The following CAPN8 variants were observed in gnomAD, a reference collection of about 807,000 sequenced individuals.
The protein encoded by CAPN8 is calpain 8.
A neutral mutation model predicts 80.9 loss-of-function variants in CAPN8; 87 were observed. That is an observed-to-expected ratio of 1.07 (90% CI 0.90 to 1.28). The LOEUF is 1.28. Among genes scored for constraint, CAPN8 ranks in the 50% most tolerant of loss-of-function variants. The pLI is 0.00. For missense variants in CAPN8, 757 were observed against 702.0 expected (o/e 1.08, Z -0.89); for synonymous variants, 299 against 273.8 (o/e 1.09, Z -0.91).
At chr1:223,637,061 A>C (rs1206518123) in intron 2 of CAPN8, among the ~76,000 whole-genome samples, 1 of 152,114 alleles carries the variant, frequency 6.6e-6, no homozygotes, top group Non-Finnish European at 1.5e-5. Context: ...ACCTTCTGAC[A>C]CTCACCTCTC....
At chr1:223,633,671 AAAAAT>A (rs1346032157) in intron 2 of CAPN8, among the ~76,000 whole-genome samples, 1 of 152,194 alleles carries the variant, frequency 6.6e-6, no homozygotes, top group East Asian at 1.9e-4. Context: ...CAAAAAGAAA[AAAAAT>A]AAAATAAAAT....
chr1:223,542,043 A>C (rs1019665021), intron 20 of CAPN8, among the ~76,000 whole-genome samples, 184 bp from the exon 21 acceptor site: 2 of 152,144 alleles, frequency 1.3e-5, no homozygotes, highest in African/African-American at 4.8e-5. Context: ...CCAGGGTACT[A>C]CAGAAATGTG....
At chr1:223,550,386 G>A (rs1157643583) in intron 15 of CAPN8, among the ~76,000 whole-genome samples, 1 of 152,116 alleles carries the variant, frequency 6.6e-6, no homozygotes, top group African/African-American at 2.4e-5. Flanking sequence ...GACTTAACCT[G>A]GCCCATCCCT....
At chr1:223,662,259 C>T (rs1383879245) in intron 1 of CAPN8, among the ~76,000 whole-genome samples, 1 of 152,070 alleles carries the variant, frequency 6.6e-6, no homozygotes, top group African/African-American at 2.4e-5. Flanking sequence ...ACCATCCTGG[C>T]CAACATGGCA....
At chr1:223,621,856 G>A (rs116076782) in intron 7 of CAPN8, among the ~76,000 whole-genome samples, 73 of 152,140 alleles carry the variant, frequency 4.8e-4, no homozygotes, top group African/African-American at 1.6e-3. Flanking sequence ...CATGAGACTG[G>A]CTAATTATTT....
At chr1:223,615,124 T>C (rs1217793040) in intron 10 of CAPN8, among the ~76,000 whole-genome samples, 3 of 152,230 alleles carry the variant, frequency 2.0e-5, no homozygotes, top group Admixed American at 1.3e-4. Flanking sequence ...TGGTTTCTTA[T>C]TACAATATTT....
rs201599470 is a variant in CAPN8 at position 223,550,980 on chromosome 1, A to T, written c.1679T>A (p.Leu560Ter). 55 of 718,376 alleles carry T rather than the reference A, an allele frequency of 7.7e-5. No individual in the cohort carries two copies. The East Asian group carries it at 1.4e-3, about 19-fold the overall frequency. The allele number at this position is 718,376 out of a possible 1,614,324, so 44.5% of individuals were successfully genotyped here. Reference protein sequence around the residue: ...EITANALKILLNEAFSKRTDI... With the variant: ...EITANALKIL ...CTTACTCTTGGAAAACGCCTCATTC[A>T]AAAGTATCTTGAGTGCATTGGCAGT... The change falls in exon 15 of 21, where the codon TTG (leucine) becomes TAG (stop). Residue 560 changes from leucine (L) to a stop codon, truncating the protein, a stop_gained. Transcript: ENST00000366872. LOFTEE classifies it high-confidence loss of function.
At chr1:223,611,633 C>T (rs1441001086) in intron 11 of CAPN8, among the ~76,000 whole-genome samples, 1 of 152,196 alleles carries the variant, frequency 6.6e-6, no homozygotes, top group Non-Finnish European at 1.5e-5. Flanking sequence ...GCCAAGAACC[C>T]TCCCAGGCTA....
In CAPN8 at chr1:223,544,242, T is replaced by TA. The variant is rs1656555485; in HGVS notation, c.1913-60dup. Reference sequence around the variant, plus strand: ...GTGGAGGACTCAGCACTGTCTCCCATAAACACTCAAGGAGCTGACATCCCA... The same window carrying TA: ...GTGGAGGACTCAGCACTGTCTCCCATAAAACACTCAAGGAGCTGACATCCCA... On this transcript the variant is annotated intron_variant, in intron 18 of 20. Transcript: ENST00000366872. The TA allele has an allele frequency of 8.5e-6, 6 of 706,390 alleles. No homozygotes were observed. The South Asian group carries it at 9.0e-5, about 11-fold the overall frequency. The allele number at this position is 706,390 out of a possible 1,614,324, so 43.8% of individuals were successfully genotyped here. A position where few individuals can be genotyped will look rare whatever the true frequency, so the allele number is the denominator to read the frequency against.
chr1:223,616,832 T>C (rs1657203766), intron 9 of CAPN8: 1 of 152,202 alleles, frequency 6.6e-6, no homozygotes, highest in Non-Finnish European at 1.5e-5. Flanking sequence ...CATTTAATAA[T>C]GCATGAGGAA....
intron 15 of CAPN8, 149 bp from the exon 16 acceptor site, chr1:223,549,531 CTT>C: frequency 8.0e-7 from 1 of 1,242,654 alleles, no homozygotes; most frequent in Non-Finnish European, 1.1e-6. Flanking sequence ...TCATGGCAGG[CTT>C]GTGGGCAGAT....
At chr1:223,544,252 A>G in intron 18 of CAPN8, 69 bp from the exon 19 acceptor site, 1 of 695,606 alleles carries the variant, frequency 1.4e-6, no homozygotes, top group Admixed American at 2.0e-5. Context: ...TAAACACTCA[A>G]GGAGCTGACA....
At chr1:223,616,477 C>T (rs1053160584) in intron 9 of CAPN8, among the ~76,000 whole-genome samples, 27 of 152,236 alleles carry the variant, frequency 1.8e-4, no homozygotes, top group Non-Finnish European at 4.0e-4. Context: ...TCCAAGTCTT[C>T]CTGGGGAAAG....
intron 9 of CAPN8, chr1:223,618,128 A>T: frequency 8.3e-7 from 1 of 1,203,838 alleles, no homozygotes; most frequent in Non-Finnish European, 1.2e-6. Context: ...CAATCAACAG[A>T]TCAACAGCAA....
intron 15 of CAPN8, among the ~76,000 whole-genome samples, chr1:223,549,852 T>C (rs1342673374): frequency 6.6e-6 from 1 of 152,186 alleles, no homozygotes; most frequent in Non-Finnish European, 1.5e-5. Context: ...GCACTGCACA[T>C]CTACTCTTCA....
At chr1:223,626,002 G>T in intron 5 of CAPN8, 114 bp from the exon 6 acceptor site, 1 of 757,660 alleles carries the variant, frequency 1.3e-6, no homozygotes, top group Non-Finnish European at 2.3e-6. Context: ...TGTGGGACTA[G>T]GGGTGTAGGC....
chr1:223,616,235 T>G (rs1246517818), intron 9 of CAPN8, 90 bp from the exon 10 acceptor site: 4 of 1,370,698 alleles, frequency 2.9e-6, no homozygotes, highest in Non-Finnish European at 3.9e-6. Flanking sequence ...TTGATCATCC[T>G]AATGAATGCA....
chr1:223,543,060 T>G, intron 20 of CAPN8, 48 bp downstream of exon 20: 1 of 1,549,214 alleles, frequency 6.5e-7, no homozygotes, highest in Admixed American at 2.0e-5. Flanking sequence ...GGTCCAAGAA[T>G]TTCAGAGTAC....
rs77883400 is a variant in CAPN8 at position 223,622,596 on chromosome 1, C to T, written c.899+219G>A. On this transcript the variant is annotated intron_variant, in intron 7 of 20. Coordinates refer to ENST00000366872, the MANE Select transcript of CAPN8 (RefSeq NM_001143962.2). ...ACAGAGCCGCCAAACTTTCAAATGC[C>T]AAAGCAGAAAGCCAGAATCGAAGAC... is the stretch of plus-strand genomic sequence containing the variant. The T allele has an allele frequency of 2.4e-3, 1,336 of 556,814 alleles. 26 individuals are homozygous for T. Among genetic ancestry groups the T allele is most frequent in the African/African-American group, 0.023 (1,228 of 53,122 alleles). The allele number at this position is 556,814 out of a possible 1,614,324, so 34.5% of individuals were successfully genotyped here. A position where few individuals can be genotyped will look rare whatever the true frequency, so the allele number is the denominator to read the frequency against.
Sources: allele counts gnomAD v4.1 joint callset (sites outside exome capture counted in the v4.1 genomes callset), GRCh38; gene constraint gnomAD v4.1.1; transcripts MANE v1.5; gene names NCBI Gene and HGNC (gene_info 2026-07-23, HGNC 2026-07-21).